MYOM1: variants seen among roughly 807,000 people sequenced by gnomAD.
MYOM1 encodes the protein myomesin 1, also known as myomesin-1.
Under a neutral mutation model 205.3 loss-of-function variants are expected in MYOM1, and 164 were observed. The observed-to-expected ratio is 0.80, with a 90% confidence interval of 0.70 to 0.91. The LOEUF (loss-of-function observed/expected upper bound fraction) is 0.91. MYOM1 is among the 40% of genes least tolerant of loss of function. The pLI is 0.00. For missense variants in MYOM1, 2,011 were observed against 2,127.3 expected, an observed-to-expected ratio of 0.95 and a Z score of 1.08; for synonymous variants, 772 against 789.4, an observed-to-expected ratio of 0.98 and a Z score of 0.37.
At chr18:3,117,176 T>G (rs1219586344) in intron 20 of MYOM1, among the ~76,000 whole-genome samples, 2 of 152,208 alleles carry the variant, frequency 1.3e-5, no homozygotes, top group Admixed American at 6.5e-5. Context: ...AGATAATTTT[T>G]GAGTGACAGC....
In MYOM1 at chr18:3,116,535, A is replaced by G. The variant is rs766763149; in HGVS notation, c.3119-20T>C. The G allele has an allele frequency of 2.0e-6, 3 of 1,494,320 alleles. No homozygotes were observed. The highest frequency in any genetic ancestry group is 1.8e-6 in the Non-Finnish European group (2 of 1,116,966). The allele number at this position is 1,494,320 out of a possible 1,614,324, so 92.6% of individuals were successfully genotyped here. A position where few individuals can be genotyped will look rare whatever the true frequency, so the allele number is the denominator to read the frequency against. On this transcript the variant is annotated intron_variant, in intron 20 of 37. Transcript: ENST00000356443. ...GTGGTCCTGAGAGAGAGAGAAGCCA[A>G]TGAGTAGAAATCATAACAGAGAAAA...
intron 35 of MYOM1, 27 bp downstream of exon 35, chr18:3,075,698 T>C (rs1424732828): frequency 6.2e-7 from 1 of 1,600,670 alleles, no homozygotes; most frequent in Non-Finnish European, 8.5e-7. Context: ...TGCATGCAAG[T>C]GGCATTTGCT....
In MYOM1 at chr18:3,142,065, T is replaced by C. The variant is rs762743464; in HGVS notation, c.1901-2A>G. On this transcript the variant is annotated splice_acceptor_variant, in intron 13 of 37. Transcript: ENST00000356443. LOFTEE classifies it high-confidence loss of function. ...TCGGGGGGCCAGGCACAATACCCTC[T>C]GAAAAACAACAAGGAAAAATGAGAA... is the stretch of plus-strand genomic sequence containing the variant. 16 of 1,612,364 alleles carry C rather than the reference T, an allele frequency of 9.9e-6. No individual in the cohort carries two copies. The highest frequency in any genetic ancestry group is 2.2e-5 in the East Asian group (1 of 44,862).
chr18:3,142,055 C>A lies in MYOM1; in HGVS notation c.1909G>T (p.Val637Leu). 1 of 1,613,210 alleles carries A rather than the reference C, an allele frequency of 6.2e-7. No homozygotes were observed. Among genetic ancestry groups the A allele is most frequent in the Non-Finnish European group, 8.5e-7 (1 of 1,179,490 alleles). ...VTEEEPSEGI[V>L]PGPPTDLSVT... Reference sequence around the variant, plus strand: ...GAGAGGTCTGTCGGGGGGCCAGGCACAATACCCTCTGAAAAACAACAAGGA... The same window carrying A: ...GAGAGGTCTGTCGGGGGGCCAGGCAAAATACCCTCTGAAAAACAACAAGGA... Residue 637 changes from valine (V) to leucine (L), a missense_variant, in exon 14 of 38, where the codon GTG becomes TTG. Physicochemically the swap from Val to Leu is conservative, Grantham distance 32 (BLOSUM62 1). Transcript: ENST00000356443.
chr18:3,110,284 G>T (rs1462698491), intron 22 of MYOM1, among the ~76,000 whole-genome samples: 1 of 152,188 alleles, frequency 6.6e-6, no homozygotes, highest in African/African-American at 2.4e-5. Context: ...CAGAATAGAA[G>T]CAGAGGAAAG....
intron 18 of MYOM1, among the ~76,000 whole-genome samples, chr18:3,127,338 T>C (rs12606195): frequency 0.92 from 113,694 of 123,906 alleles, 52,307 homozygotes; most frequent in East Asian, 0.99. Flanking sequence ...GCTGGGGTTT[T>C]GCTCTTGTCA....
intron 10 of MYOM1, among the ~76,000 whole-genome samples, chr18:3,157,044 C>T (rs1430057349): frequency 6.6e-6 from 1 of 152,150 alleles, no homozygotes; most frequent in Non-Finnish European, 1.5e-5. Flanking sequence ...AGAGGCACTG[C>T]TAGAAAGCCA....
upstream of MYOM1, among the ~76,000 whole-genome samples, chr18:3,220,324 C>T (rs1479881746): frequency 6.6e-6 from 1 of 152,240 alleles, no homozygotes; most frequent in Non-Finnish European, 1.5e-5. Context: ...GTTAACAACA[C>T]ACGTACGGTA....
intron 2 of MYOM1, among the ~76,000 whole-genome samples, chr18:3,211,864 C>T (rs946659621): frequency 2.0e-5 from 3 of 152,142 alleles, no homozygotes; most frequent in Non-Finnish European, 4.4e-5. Flanking sequence ...CAAAGCAGAG[C>T]TAAAAATAGA....
At chr18:3,224,154 G>A (rs891140893), upstream of MYOM1, among the ~76,000 whole-genome samples, 4 of 151,348 alleles carry the variant, frequency 2.6e-5, no homozygotes, top group Middle Eastern at 3.4e-3. Context: ...TCAGCCTCCC[G>A]AGTAGCTGGG....
chr18:3,167,176 G>A lies in MYOM1; in HGVS notation c.1339+1641C>T, dbSNP rs528448639. ...ACCTAATACAGACAATATAAAAGGA[G>A]GCACATGGTAGTGAAAAGATGTCCA... On this transcript the variant is annotated intron_variant, in intron 9 of 37. Transcript: ENST00000356443. 9.8e-5 allele frequency among the ~76,000 whole-genome samples: 15 copies of A among 152,302 alleles called. No individual in the cohort carries two copies. In the East Asian group the frequency reaches 2.9e-3, roughly 29 times the overall value.
intron 1 of MYOM1, among the ~76,000 whole-genome samples, chr18:3,215,976 C>A (rs1198257898): frequency 1.3e-5 from 2 of 152,268 alleles, no homozygotes; most frequent in South Asian, 2.1e-4. Flanking sequence ...CCCATGAAAT[C>A]CAGTAGTGAG....
intron 2 of MYOM1, among the ~76,000 whole-genome samples, chr18:3,207,339 A>T (rs2081136526): frequency 6.6e-6 from 1 of 152,172 alleles, no homozygotes; most frequent in Non-Finnish European, 1.5e-5. Flanking sequence ...AGAGTAAAAG[A>T]GTTTAACCCC....
intron 29 of MYOM1, among the ~76,000 whole-genome samples, chr18:3,088,217 C>T (rs1369229123): frequency 1.3e-5 from 2 of 151,984 alleles, no homozygotes; most frequent in Admixed American, 6.6e-5. Flanking sequence ...GCGCAGAAGG[C>T]GAGGGATGTG....
chr18:3,141,465 T>C (rs979607047), intron 14 of MYOM1, among the ~76,000 whole-genome samples: 5 of 152,210 alleles, frequency 3.3e-5, no homozygotes, highest in African/African-American at 1.2e-4. Flanking sequence ...TGCAGTGGCA[T>C]GAGGTTGCTG....
At chr18:3,085,498 C>T (rs2079143164) in intron 30 of MYOM1, among the ~76,000 whole-genome samples, 2 of 151,966 alleles carry the variant, frequency 1.3e-5, no homozygotes, top group African/African-American at 4.8e-5. Flanking sequence ...AGTGGTGAAC[C>T]GTTCACAGAT....
chr18:3,239,300 G>A, the MYOM1 span, among the ~76,000 whole-genome samples: 1 of 152,180 alleles, frequency 6.6e-6, no homozygotes, highest in Non-Finnish European at 1.5e-5. Context: ...GGAGGACAAT[G>A]CATGAAGACA....
At chr18:3,165,276 G>A (rs114053225) in intron 9 of MYOM1, among the ~76,000 whole-genome samples, 1 of 152,162 alleles carries the variant, frequency 6.6e-6, no homozygotes, top group Admixed American at 6.5e-5. Flanking sequence ...AATTTTAAGT[G>A]TGAATTTATA....
intron 27 of MYOM1, among the ~76,000 whole-genome samples, 196 bp from the exon 28 acceptor site, chr18:3,089,792 A>G (rs1438978320): frequency 6.6e-6 from 1 of 152,220 alleles, no homozygotes; most frequent in Non-Finnish European, 1.5e-5. Flanking sequence ...TAAAGCTAGG[A>G]AACAGTGACA....
Sources: allele counts gnomAD v4.1 joint callset (sites outside exome capture counted in the v4.1 genomes callset), GRCh38; gene constraint gnomAD v4.1.1; transcripts MANE v1.5; gene names NCBI Gene and HGNC (gene_info 2026-07-23, HGNC 2026-07-21).